Variants in CCDC141 observed in about 807,000 individuals in gnomAD.
The protein encoded by CCDC141 is coiled-coil domain containing 141.
A neutral mutation model predicts 181.0 loss-of-function variants in CCDC141; 168 were observed. The observed-to-expected ratio is 0.93, with a 90% confidence interval of 0.82 to 1.05. The LOEUF (loss-of-function observed/expected upper bound fraction) is 1.05. Among genes scored for constraint, CCDC141 ranks in the 50% least tolerant of loss-of-function variants. The pLI is 0.00. For missense variants in CCDC141, 1,902 were observed against 1,788.5 expected, an observed-to-expected ratio of 1.06 and a Z score of -1.14; for synonymous variants, 666 against 642.3, an observed-to-expected ratio of 1.04 and a Z score of -0.56.
chr2:178,988,330 G>C (rs1691856813), intron 2 of CCDC141, among the ~76,000 whole-genome samples: 1 of 103,024 alleles, frequency 9.7e-6, no homozygotes. Flanking sequence ...GGGGTGGGGG[G>C]AGGGGGGAGG....
At chr2:178,838,606 G>A (rs930479685) in intron 22 of CCDC141, among the ~76,000 whole-genome samples, 3 of 152,170 alleles carry the variant, frequency 2.0e-5, no homozygotes, top group African/African-American at 7.2e-5. Context: ...GCTAGTATTA[G>A]AGGCATAATT....
At chr2:178,936,646 T>A (rs1397776205) in intron 6 of CCDC141, among the ~76,000 whole-genome samples, 1 of 152,142 alleles carries the variant, frequency 6.6e-6, no homozygotes, top group African/African-American at 2.4e-5. Flanking sequence ...TCATTGGTAT[T>A]TTGACAAGAA....
chr2:178,980,512 T>C (rs769485129), intron 2 of CCDC141, among the ~76,000 whole-genome samples: 2 of 152,094 alleles, frequency 1.3e-5, no homozygotes, highest in Non-Finnish European at 2.9e-5. Flanking sequence ...TGGAAAGTAG[T>C]CAAAGATTTA....
In CCDC141 at chr2:179,015,097, T is replaced by TAC. The variant is rs1388739905; in HGVS notation, c.225+32186_225+32187insGT. On this transcript the variant is annotated intron_variant, in intron 2 of 23. Coordinates refer to ENST00000443758, the MANE Select transcript of CCDC141 (RefSeq NM_173648.4). ...ATATATATATATATATATATATATA[T>TAC]ATATATAATATATATATAATCATAT... 2.6e-4 allele frequency among the ~76,000 whole-genome samples: 11 copies of TAC among 42,460 alleles called. No homozygotes were observed. In the East Asian group the frequency reaches 0.011, roughly 43 times the overall value. 27.9% of individuals were successfully genotyped at this position (42,460 alleles called of 152,430 possible).
chr2:178,842,151 A>G (rs1269759356), intron 22 of CCDC141, among the ~76,000 whole-genome samples: 1 of 152,234 alleles, frequency 6.6e-6, no homozygotes, highest in African/African-American at 2.4e-5. Flanking sequence ...GGGCATATTT[A>G]CATCAGTCTA....
intron 13 of CCDC141, 22 bp from the exon 14 acceptor site, chr2:178,871,574 T>G (rs1399340875): frequency 5.0e-6 from 8 of 1,607,898 alleles, no homozygotes; most frequent in Non-Finnish European, 6.8e-6. Context: ...ATTGGACAGT[T>G]ACACATGCAT....
At chr2:178,839,978 T>C (rs968364312) in intron 22 of CCDC141, among the ~76,000 whole-genome samples, 3 of 152,200 alleles carry the variant, frequency 2.0e-5, no homozygotes, top group African/African-American at 7.2e-5. Context: ...ACACTTTTTC[T>C]GAAAGAGTAC....
chr2:178,954,894 CATG>C (rs1229195463), intron 5 of CCDC141, among the ~76,000 whole-genome samples: 1 of 151,880 alleles, frequency 6.6e-6, no homozygotes, highest in Non-Finnish European at 1.5e-5. Context: ...CATCTGAGAA[CATG>C]ATAACTATAA....
intron 11 of CCDC141, among the ~76,000 whole-genome samples, chr2:178,883,302 A>C (rs62177296): frequency 0.32 from 49,160 of 152,112 alleles, 9,882 homozygotes; most frequent in Non-Finnish European, 0.46. Context: ...AAGAACACAA[A>C]GGATAAATGC....
rs1458432661 is a variant in CCDC141 at position 179,047,491 on chromosome 2, A to C, written c.103-85T>G. On this transcript the variant is annotated intron_variant, in intron 1 of 23. Transcript: ENST00000443758. ...CTTCTCATTTTTAATATATCGTTTA[A>C]ATTTCCAGTTATACTGTAAACACTT... The C allele has an allele frequency of 3.1e-5, 37 of 1,198,018 alleles. No homozygotes were observed. The South Asian group carries it at 6.2e-4, about 20-fold the overall frequency. The allele number at this position is 1,198,018 out of a possible 1,614,324, so 74.2% of individuals were successfully genotyped here.
At chr2:178,918,586 G>T in intron 7 of CCDC141, 127 bp downstream of exon 7, 1 of 650,144 alleles carries the variant, frequency 1.5e-6, no homozygotes, top group Non-Finnish European at 2.6e-6. Context: ...AGCTCTCTTT[G>T]CTGCTATCAG....
the CCDC141 span, among the ~76,000 whole-genome samples, chr2:178,821,115 G>C: frequency 6.6e-6 from 1 of 150,398 alleles, no homozygotes; most frequent in African/African-American, 2.5e-5. Context: ...TATATTCCCA[G>C]TTATTTCATC....
intron 2 of CCDC141, among the ~76,000 whole-genome samples, chr2:179,000,712 A>G (rs2041945761): frequency 6.6e-6 from 1 of 152,122 alleles, no homozygotes; most frequent in Admixed American, 6.5e-5. Flanking sequence ...ATCCTCATTT[A>G]ATTTGACTTC....
chr2:178,949,337 A>T (rs540733055), intron 5 of CCDC141, among the ~76,000 whole-genome samples: 8 of 152,242 alleles, frequency 5.3e-5, no homozygotes, highest in African/African-American at 1.7e-4. Flanking sequence ...CAACCTTTGC[A>T]CCCCTCCTAT....
the CCDC141 span, among the ~76,000 whole-genome samples, chr2:178,824,739 G>A: frequency 6.6e-6 from 1 of 151,048 alleles, no homozygotes; most frequent in Non-Finnish European, 1.5e-5. Context: ...CTTTCATGGT[G>A]TTCATAATCC....
chr2:178,957,062 G>A (rs1690191799), intron 5 of CCDC141, among the ~76,000 whole-genome samples: 1 of 152,104 alleles, frequency 6.6e-6, no homozygotes, highest in Admixed American at 6.5e-5. Flanking sequence ...TTTTAGTAGA[G>A]ATGGGGTTTC....
chr2:178,862,555 CTTAT>C (rs889877109), intron 17 of CCDC141, among the ~76,000 whole-genome samples: 1 of 152,088 alleles, frequency 6.6e-6, no homozygotes, highest in Non-Finnish European at 1.5e-5. Context: ...GTATGAACAA[CTTAT>C]TTATATAGTC....
intron 2 of CCDC141, among the ~76,000 whole-genome samples, chr2:178,998,276 T>C (rs1447993503): frequency 2.0e-5 from 3 of 152,168 alleles, no homozygotes; most frequent in Non-Finnish European, 2.9e-5. Flanking sequence ...AATAAAATAA[T>C]ACTCTTAATG....
At chr2:178,923,480 C>T (rs1688794114) in intron 6 of CCDC141, among the ~76,000 whole-genome samples, 1 of 152,196 alleles carries the variant, frequency 6.6e-6, no homozygotes, top group Non-Finnish European at 1.5e-5. Context: ...ATAGTTGTCA[C>T]CCTTGTCAAG....
Sources: gnomAD v4.1 joint callset for allele counts (sites outside exome capture counted in the v4.1 genomes callset) on GRCh38, gnomAD v4.1.1 for gene constraint, MANE v1.5 for transcripts, NCBI Gene and HGNC (gene_info 2026-07-23, HGNC 2026-07-21) for gene names.